Variants in NFIC observed in about 807,000 individuals in gnomAD.
NFIC encodes nuclear factor 1 C-type.
Under a neutral mutation model 54.4 loss-of-function variants are expected in NFIC, and 12 were observed. The ratio of observed to expected loss-of-function variants is 0.22; its 90% CI spans 0.14 to 0.36. NFIC has a LOEUF of 0.36. Among genes scored for constraint, NFIC ranks in the 10% least tolerant of loss-of-function variants. The pLI is 1.00. For missense variants in NFIC, 575 were observed against 718.2 expected (o/e 0.80, Z 2.28); for synonymous variants, 322 against 319.2 (o/e 1.01, Z -0.09).
intron 6 of NFIC, 93 bp from the exon 7 acceptor site, chr19:3,448,921 G>T: frequency 6.7e-7 from 1 of 1,502,068 alleles, no homozygotes; most frequent in Non-Finnish European, 8.9e-7. Context: ...GGGTGATGAG[G>T]CTTCCTATCC....
chr19:3,375,604 G>A lies in NFIC; in HGVS notation c.31-6108G>A, dbSNP rs934086601. On this transcript the variant is annotated intron_variant, in intron 1 of 10. Transcript: ENST00000443272. The surrounding 1 kb of genome is among the most constrained non-coding windows in gnomAD (Gnocchi z 4.6). ...AAAAGGGCCCTGAGGTCCGGTCCCC[G>A]CCGCAGCTGTTACGGTGACTCACGC... Among the ~76,000 whole-genome samples, 11 of 152,226 alleles carry A rather than the reference G, an allele frequency of 7.2e-5. No homozygotes were observed. The highest frequency in any genetic ancestry group is 2.4e-5 in the African/African-American group (1 of 41,468).
chr19:3,438,059 G>A (rs1194714879), intron 6 of NFIC, among the ~76,000 whole-genome samples: 2 of 152,168 alleles, frequency 1.3e-5, no homozygotes, highest in Admixed American at 6.6e-5. Flanking sequence ...GCTAATTAAA[G>A]TGAAAGACCA....
At chr19:3,389,238 T>A (rs999744830) in intron 2 of NFIC, among the ~76,000 whole-genome samples, 4 of 152,232 alleles carry the variant, frequency 2.6e-5, no homozygotes, top group Admixed American at 1.3e-4. Flanking sequence ...CTGAGCTTGA[T>A]GGCAGGAGAA....
At chr19:3,423,111 T>C (rs1313459254) in intron 2 of NFIC, among the ~76,000 whole-genome samples, 1 of 151,890 alleles carries the variant, frequency 6.6e-6, no homozygotes, top group Non-Finnish European at 1.5e-5. Flanking sequence ...AGCGGGAGAA[T>C]CACTTGAACC....
chr19:3,372,002 T>C lies in NFIC; in HGVS notation c.30+5336T>C, dbSNP rs187161673. On this transcript the variant is annotated intron_variant, in intron 1 of 10. Transcript: ENST00000443272. ...CTCTCTCTCTCCCTCTCTCTCCCTC[T>C]CTCTCTCTCTCTCTCTCTCTCTCTC... Among the ~76,000 whole-genome samples the C allele has an allele frequency of 3.5e-3, 203 of 57,778 alleles. 4 individuals carry two copies. The East Asian group carries it at 0.1, about 30-fold the overall frequency. 37.9% of individuals were successfully genotyped at this position (57,778 alleles called of 152,430 possible). A position where few individuals can be genotyped will look rare whatever the true frequency, so the allele number is the denominator to read the frequency against.
intron 1 of NFIC, among the ~76,000 whole-genome samples, chr19:3,373,152 C>T (rs1439847891): frequency 1.3e-5 from 2 of 152,062 alleles, no homozygotes; most frequent in Non-Finnish European, 2.9e-5. Flanking sequence ...GCCCCTATTT[C>T]GTAGTAGACG....
At chr19:3,413,187 G>A (rs970050430) in intron 2 of NFIC, among the ~76,000 whole-genome samples, 7 of 152,102 alleles carry the variant, frequency 4.6e-5, no homozygotes, top group Non-Finnish European at 1.0e-4. Context: ...GACCTCAGGT[G>A]ATCTACTCAC....
intron 2 of NFIC, among the ~76,000 whole-genome samples, chr19:3,392,664 G>A (rs578252552): frequency 6.6e-6 from 1 of 152,338 alleles, no homozygotes; most frequent in East Asian, 1.9e-4. Context: ...CCCTGGCCCT[G>A]TGCCTGGGAA....
chr19:3,420,882 C>T (rs982800369), intron 2 of NFIC, among the ~76,000 whole-genome samples: 1 of 152,094 alleles, frequency 6.6e-6, no homozygotes, highest in Non-Finnish European at 1.5e-5. Flanking sequence ...ACCACCACGC[C>T]CAGCTAATTT....
In NFIC at chr19:3,367,628, CG is replaced by C. The variant is rs535385537; in HGVS notation, c.30+963del. ...TTCCAGCCCAGGCTCCCGGGGACCC[CG>C]AGGTCTGCAAGTTCCGTTTTCTAGA... On this transcript the variant is annotated intron_variant, in intron 1 of 10. Coordinates refer to ENST00000443272, the MANE Select transcript of NFIC (RefSeq NM_001245002.2). 2.2e-3 allele frequency among the ~76,000 whole-genome samples: 339 copies of C among 152,356 alleles called. 1 individual carries two copies. Among genetic ancestry groups the C allele is most frequent in the African/African-American group, 7.6e-3 (316 of 41,584 alleles).
chr19:3,388,019 C>A (rs1019252051), intron 2 of NFIC, among the ~76,000 whole-genome samples: 1 of 152,112 alleles, frequency 6.6e-6, no homozygotes, highest in African/African-American at 2.4e-5. Context: ...CAGGCCCGCC[C>A]GTCCCAGCAG....
rs2080969933 is a variant in NFIC, at chr19:3,369,959, A to G, written c.30+3293A>G. Among the ~76,000 whole-genome samples, 1 of 152,104 alleles carries G rather than the reference A, an allele frequency of 6.6e-6. No individual in the cohort carries two copies. The highest frequency in any genetic ancestry group is 1.5e-5 in the Non-Finnish European group (1 of 68,010). On this transcript the variant is annotated intron_variant, in intron 1 of 10. Coordinates refer to ENST00000443272, the MANE Select transcript of NFIC (RefSeq NM_001245002.2). This position sits in a 1 kb window ranked among gnomAD's most constrained non-coding sequence, Gnocchi z 4.3. ...TGCCATTTCTCCAGCAGGGTAACCGAGGCTGGGAGAGGCTGTCCTCCCACC... is the reference window on the plus strand; with the variant it reads ...TGCCATTTCTCCAGCAGGGTAACCGGGGCTGGGAGAGGCTGTCCTCCCACC...
At chr19:3,451,011 A>G (rs955604009) in intron 7 of NFIC, among the ~76,000 whole-genome samples, 7 of 152,252 alleles carry the variant, frequency 4.6e-5, no homozygotes, top group Non-Finnish European at 8.8e-5. Flanking sequence ...AATATTTACT[A>G]TCTGGCCAGA....
Position 3,435,346 on chromosome 19 carries a change from T to C in NFIC, c.958+139T>C, listed in dbSNP as rs1022880505. 1.3e-4 allele frequency: 161 copies of C among 1,257,674 alleles called. 1 individual carries two copies. Among genetic ancestry groups the C allele is most frequent in the Non-Finnish European group, 1.6e-4 (154 of 944,630 alleles). 77.9% of individuals were successfully genotyped at this position (1,257,674 alleles called of 1,614,324 possible). A position where few individuals can be genotyped will look rare whatever the true frequency, so the allele number is the denominator to read the frequency against. On this transcript the variant is annotated intron_variant, in intron 6 of 10. Coordinates refer to ENST00000443272, the MANE Select transcript of NFIC (RefSeq NM_001245002.2). ...CCGCGGGGCCTCCTGGGAATTGTAG[T>C]CGTCCCGAGCTGCGCTTGGCTGGAA...
At position 3,419,052 on chromosome 19, in the gene NFIC, G is replaced by A. The variant is rs369690503; in HGVS notation, c.563-6054G>A. Among the ~76,000 whole-genome samples, 49 of 152,188 alleles carry A rather than the reference G, an allele frequency of 3.2e-4. No homozygotes were observed. The East Asian group carries it at 7.7e-3, about 24-fold the overall frequency. ...TCATAGAGACAGAAAGTAGGTTGGC[G>A]GGGTCAGGGGGTGTCGGAGGCTGGG... On this transcript the variant is annotated intron_variant, in intron 2 of 10. Transcript: ENST00000443272.
chr19:3,382,315 G>A, intron 2 of NFIC, 72 bp downstream of exon 2: 1 of 1,551,596 alleles, frequency 6.4e-7, no homozygotes. Flanking sequence ...GGGCCAGGAG[G>A]GCCTGAGGGA....
upstream of NFIC, among the ~76,000 whole-genome samples, chr19:3,363,279 T>A (rs1293329486): frequency 1.8e-4 from 20 of 114,202 alleles, no homozygotes; most frequent in South Asian, 8.1e-4. Flanking sequence ...ATTTTTTTTT[T>A]TTTTTTTTTT....
At chr19:3,380,216 G>T (rs375851666) in intron 1 of NFIC, among the ~76,000 whole-genome samples, 1 of 148,808 alleles carries the variant, frequency 6.7e-6, no homozygotes, top group Admixed American at 6.7e-5. Flanking sequence ...GTGTTAGCCA[G>T]GATGGTCTCA....
Position 3,376,082 on chromosome 19 carries a change from C to T in NFIC, c.31-5630C>T, listed in dbSNP as rs1324713961. 2.6e-5 allele frequency among the ~76,000 whole-genome samples: 4 copies of T among 152,244 alleles called. No individual in the cohort carries two copies. The East Asian group carries it at 7.7e-4, about 29-fold the overall frequency. ...GCCTTAGTTTCCATGCCACAGAACA[C>T]GGAGCGGGGCCTCAGGCTGTTCCCT... On this transcript the variant is annotated intron_variant, in intron 1 of 10. Coordinates refer to ENST00000443272, the MANE Select transcript of NFIC (RefSeq NM_001245002.2).
Sources: allele counts gnomAD v4.1 joint callset (sites outside exome capture counted in the v4.1 genomes callset), GRCh38; gene constraint gnomAD v4.1.1; non-coding constraint Gnocchi (gnomAD v3.1); transcripts MANE v1.5; gene names NCBI Gene and HGNC (gene_info 2026-07-23, HGNC 2026-07-21).